The following WASHC4 variants were observed in gnomAD, a reference collection of about 807,000 sequenced individuals.
WASHC4 encodes WASH complex subunit 4.
WASHC4 carries 86 observed loss-of-function variants against 166.6 expected under a neutral mutation model. The observed-to-expected ratio is 0.52, with a 90% CI of 0.43 to 0.62. WASHC4 has a LOEUF of 0.62. Among genes scored for constraint, WASHC4 ranks in the 20% least tolerant of loss-of-function variants. The probability of loss-of-function intolerance (pLI) is 0.00; values close to 1 mark genes in which losing one functional copy is unlikely to be tolerated. For missense variants in WASHC4, 1,262 were observed against 1,382.4 expected (o/e 0.91, Z 1.38); for synonymous variants, 446 against 451.6 (o/e 0.99, Z 0.16).
chr12:105,138,530 G>T (rs991486585), intron 15 of WASHC4, among the ~76,000 whole-genome samples: 4 of 152,090 alleles, frequency 2.6e-5, no homozygotes, highest in African/African-American at 9.7e-5. Flanking sequence ...GAATTACAGT[G>T]CACTTATGCA....
intron 24 of WASHC4, 32 bp downstream of exon 24, chr12:105,147,178 A>G: frequency 3.3e-6 from 4 of 1,217,206 alleles, no homozygotes; most frequent in Non-Finnish European, 3.7e-6. Flanking sequence ...TTGAGTGGGT[A>G]ATAGACCCGT....
intron 13 of WASHC4, among the ~76,000 whole-genome samples, chr12:105,132,400 G>C (rs902345387): frequency 2.0e-5 from 3 of 152,212 alleles, no homozygotes; most frequent in Admixed American, 2.0e-4. Flanking sequence ...ACAAACTGCT[G>C]ACCTCAGGCA....
chr12:105,118,514 C>G lies in WASHC4; in HGVS notation c.504C>G (p.Leu168=). ...ACGTAGTCCACCAGTTGGCTGCCCT[C>G]TATATCAGTAACAAGTAATGGATTT... ...VMNVVHQLAA[L]YISNKIAPKI... The change falls in exon 7 of 33, where the codon CTC becomes CTG. Residue 168 remains leucine, a synonymous_variant. Transcript: ENST00000332180. 5 of 1,602,586 alleles carry G rather than the reference C, an allele frequency of 3.1e-6. No homozygotes were observed. The highest frequency in any genetic ancestry group is 3.4e-6 in the Non-Finnish European group (4 of 1,169,442).
intron 24 of WASHC4, 142 bp downstream of exon 24, chr12:105,147,288 T>C: frequency 1.5e-6 from 1 of 663,388 alleles, no homozygotes. Context: ...TGGTTAGTAA[T>C]TAAAATGTCT....
chr12:105,146,501 G>A lies in WASHC4; in HGVS notation c.2384G>A (p.Arg795Gln), dbSNP rs1431829207. 9 of 1,603,202 alleles carry A rather than the reference G, an allele frequency of 5.6e-6. No individual in the cohort carries two copies. Among genetic ancestry groups the A allele is most frequent in the Non-Finnish European group, 6.8e-6 (8 of 1,170,992 alleles). The stretch of plus-strand genomic sequence containing the variant: ...AGAAACATTCATATATTTGTGTCCC[G>A]ATACCTCTATAATCTCAACAATCAG... ...IMRNIHIFVS[R>Q]YLYNLNNQIF... Residue 795 changes from arginine to glutamine, a missense_variant, in exon 23 of 33, where the codon CGA becomes CAA. Physicochemically the swap from Arg to Gln is conservative, Grantham distance 43. Coordinates refer to ENST00000332180, the MANE Select transcript of WASHC4 (RefSeq NM_015275.3).
chr12:105,143,621 T>C (rs1049936649), intron 20 of WASHC4, among the ~76,000 whole-genome samples: 1 of 152,046 alleles, frequency 6.6e-6, no homozygotes, highest in Non-Finnish European at 1.5e-5. Flanking sequence ...AAGGAAATTA[T>C]ATATTTAAAA....
At chr12:105,123,586 G>A (rs1880991301) in intron 10 of WASHC4, among the ~76,000 whole-genome samples, 1 of 152,210 alleles carries the variant, frequency 6.6e-6, no homozygotes, top group Non-Finnish European at 1.5e-5. Context: ...TAAGAGAGGT[G>A]GGGAAGCTGT....
intron 26 of WASHC4, among the ~76,000 whole-genome samples, 196 bp downstream of exon 26, chr12:105,152,647 C>T (rs1883857815): frequency 6.6e-6 from 1 of 152,052 alleles, no homozygotes; most frequent in Non-Finnish European, 1.5e-5. Flanking sequence ...AGACTATAGG[C>T]TAATCACGTA....
chr12:105,119,802 T>C (rs7975787), intron 7 of WASHC4, among the ~76,000 whole-genome samples: 19,976 of 152,260 alleles, frequency 0.13, 1,515 homozygotes, highest in African/African-American at 0.22. Flanking sequence ...ATTTAAAACT[T>C]GTTGAGCAAA....
chr12:105,113,443 A>G (rs1349052225), intron 2 of WASHC4, among the ~76,000 whole-genome samples: 3 of 151,982 alleles, frequency 2.0e-5, no homozygotes, highest in African/African-American at 7.2e-5. Context: ...TTATTATATG[A>G]CAGACTCCAT....
chr12:105,148,822 T>A (rs1883512537), intron 24 of WASHC4: 1 of 985,226 alleles, frequency 1.0e-6, no homozygotes, highest in Admixed American at 6.1e-5. Context: ...TCTTATGCTA[T>A]TTCTGCCTGT....
intron 2 of WASHC4, 142 bp from the exon 3 acceptor site, chr12:105,114,074 A>T: frequency 9.3e-6 from 6 of 645,180 alleles, no homozygotes; most frequent in Middle Eastern, 4.5e-4. Flanking sequence ...ATTGTTTTGG[A>T]TGAAGTAGTT....
At chr12:105,161,208 A>T (rs530824630) in intron 29 of WASHC4, among the ~76,000 whole-genome samples, 1 of 152,230 alleles carries the variant, frequency 6.6e-6, no homozygotes, top group South Asian at 2.1e-4. Flanking sequence ...ACATCTTCTT[A>T]CATATTAAAA....
intron 5 of WASHC4, among the ~76,000 whole-genome samples, 183 bp from the exon 6 acceptor site, chr12:105,115,478 A>G (rs753758596): frequency 1.3e-5 from 2 of 152,010 alleles, no homozygotes; most frequent in Admixed American, 1.3e-4. Context: ...TAGTGAAGCA[A>G]ATACTTCTAA....
At chr12:105,159,192 T>C (rs1884344974) in intron 28 of WASHC4, among the ~76,000 whole-genome samples, 1 of 152,202 alleles carries the variant, frequency 6.6e-6, no homozygotes, top group Non-Finnish European at 1.5e-5. Context: ...TCCGAAAGTG[T>C]TGACCATTTA....
intron 10 of WASHC4, among the ~76,000 whole-genome samples, chr12:105,124,245 G>A (rs1448807718): frequency 2.0e-5 from 3 of 150,918 alleles, no homozygotes; most frequent in South Asian, 4.2e-4. Context: ...TCAGCCTCCC[G>A]AGTAGCTGGG....
At chr12:105,142,699 T>C (rs1262444095) in intron 19 of WASHC4, 141 bp downstream of exon 19, 1 of 603,892 alleles carries the variant, frequency 1.7e-6, no homozygotes, top group African/African-American at 1.9e-5. Context: ...AAAGTGTTTA[T>C]AGTCTGTAGT....
intron 5 of WASHC4, 67 bp from the exon 6 acceptor site, chr12:105,115,594 C>T (rs1880107287): frequency 1.6e-6 from 2 of 1,222,956 alleles, no homozygotes; most frequent in Admixed American, 1.7e-5. Context: ...ACTTTTCCCC[C>T]TTTTTTGGTA....
intron 14 of WASHC4, among the ~76,000 whole-genome samples, chr12:105,135,981 T>C (rs1460598802): frequency 6.6e-6 from 1 of 152,198 alleles, no homozygotes; most frequent in Non-Finnish European, 1.5e-5. Context: ...TCTGGATATT[T>C]TCTTCCTCCA....
Sources: gnomAD v4.1 joint callset for allele counts (sites outside exome capture counted in the v4.1 genomes callset) on GRCh38, gnomAD v4.1.1 for gene constraint, MANE v1.5 for transcripts, NCBI Gene and HGNC (gene_info 2026-07-23, HGNC 2026-07-21) for gene names.